CLCN6: variants seen among roughly 807,000 people sequenced by gnomAD.
CLCN6 encodes Cl-/H+ antiporter 6, also known as H(+)/Cl(-) exchange transporter 6.
CLCN6 carries 70 observed loss-of-function variants against 109.8 expected under a neutral mutation model. That is an observed-to-expected ratio of 0.64 (90% CI 0.53 to 0.78). The LOEUF is 0.78. Among genes scored for constraint, CLCN6 ranks in the 30% least tolerant of loss-of-function variants. The pLI is 0.00. For synonymous variants in CLCN6, 444 were observed against 447.8 expected (o/e 0.99, Z 0.11); for missense variants, 984 against 1,142.3 (o/e 0.86, Z 2.00).
intron 3 of CLCN6, 66 bp from the exon 4 acceptor site, chr1:11,816,549 G>C: frequency 1.4e-6 from 2 of 1,453,794 alleles, no homozygotes; most frequent in South Asian, 1.2e-5. Flanking sequence ...GGTTGGCCAA[G>C]ATGTATTTCT....
chr1:11,826,090 T>G lies in CLCN6; in HGVS notation c.649-66T>G, dbSNP rs370634871. ...TTCTTTTTTTTTTTTCCATAATTAC[T>G]GGGGTACAGGTAGTATTTGGTTATA... On this transcript the variant is annotated intron_variant, in intron 8 of 22. Coordinates refer to ENST00000346436, the MANE Select transcript of CLCN6 (RefSeq NM_001286.5). The G allele has an allele frequency of 3.1e-4, 339 of 1,106,272 alleles. 1 individual carries two copies. The South Asian group carries it at 4.3e-3, about 14-fold the overall frequency. 68.5% of individuals were successfully genotyped at this position (1,106,272 alleles called of 1,614,324 possible).
intron 2 of CLCN6, among the ~76,000 whole-genome samples, chr1:11,808,390 G>C (rs926623337): frequency 6.6e-6 from 1 of 151,818 alleles, no homozygotes; most frequent in Non-Finnish European, 1.5e-5. Flanking sequence ...TACCATACCT[G>C]GCCGCCCTTC....
At chr1:11,835,544 G>A (rs532789440) in intron 17 of CLCN6, among the ~76,000 whole-genome samples, 2 of 152,290 alleles carry the variant, frequency 1.3e-5, no homozygotes, top group South Asian at 4.1e-4. Context: ...CAAAGTGCTG[G>A]GATTACATGC....
intron 8 of CLCN6, 104 bp from the exon 9 acceptor site, chr1:11,826,052 C>T (rs1022737207): frequency 2.4e-6 from 2 of 839,460 alleles, no homozygotes; most frequent in South Asian, 1.6e-5. Context: ...TCCTAGGCTG[C>T]CCCTGACCTG....
chr1:11,824,947 T>G (rs1644793342), intron 8 of CLCN6, among the ~76,000 whole-genome samples: 1 of 152,214 alleles, frequency 6.6e-6, no homozygotes, highest in Non-Finnish European at 1.5e-5. Flanking sequence ...GTTGGCGTGG[T>G]ACAGTCATAA....
At chr1:11,808,556 G>C (rs1384438770) in intron 2 of CLCN6, among the ~76,000 whole-genome samples, 1 of 152,036 alleles carries the variant, frequency 6.6e-6, no homozygotes, top group East Asian at 1.9e-4. Context: ...CTACTGTCCA[G>C]ATTTTCCAGT....
intron 2 of CLCN6, among the ~76,000 whole-genome samples, chr1:11,814,394 C>T (rs1271405917): frequency 6.6e-6 from 1 of 151,814 alleles, no homozygotes; most frequent in South Asian, 2.1e-4. Context: ...GGATTACAGG[C>T]GTGCTCCACC....
At chr1:11,816,772 T>C (rs757052761) in intron 4 of CLCN6, 92 bp downstream of exon 4, 37 of 849,450 alleles carry the variant, frequency 4.4e-5, no homozygotes, top group Non-Finnish European at 5.9e-5. Flanking sequence ...TTGTCATTTG[T>C]CATTATAACA....
In CLCN6 at chr1:11,824,569, A is replaced by G; in HGVS notation, c.648+16A>G. 1.2e-6 allele frequency: 2 copies of G among 1,611,858 alleles called. No individual in the cohort carries two copies. The highest frequency in any genetic ancestry group is 1.7e-6 in the Non-Finnish European group (2 of 1,178,442). ...CCTCCCTCAGGTAAGATGGGCTGAG[A>G]GGGTGTGGGCCTCTGGGCAGGCCTA... On this transcript the variant is annotated intron_variant, in intron 8 of 22. Coordinates refer to ENST00000346436, the MANE Select transcript of CLCN6 (RefSeq NM_001286.5).
chr1:11,825,906 G>A (rs1466732010), intron 8 of CLCN6, among the ~76,000 whole-genome samples: 1 of 152,198 alleles, frequency 6.6e-6, no homozygotes, highest in African/African-American at 2.4e-5. Flanking sequence ...GATTACAGGC[G>A]TGAGCCATGA....
chr1:11,839,090 A>G (rs554213902), intron 22 of CLCN6: 3 of 588,218 alleles, frequency 5.1e-6, no homozygotes, highest in African/African-American at 3.7e-5. Flanking sequence ...TTAGAACTTC[A>G]TTATTTTCTT....
At chr1:11,819,151 T>C (rs920342979) in intron 4 of CLCN6, among the ~76,000 whole-genome samples, 11 of 152,270 alleles carry the variant, frequency 7.2e-5, no homozygotes, top group Admixed American at 2.6e-4. Flanking sequence ...CTTCTTCCAG[T>C]GTGGTCCAGG....
intron 4 of CLCN6, among the ~76,000 whole-genome samples, chr1:11,816,939 C>G (rs1644681136): frequency 6.6e-6 from 1 of 151,700 alleles, no homozygotes; most frequent in Admixed American, 6.6e-5. Flanking sequence ...GACAATGGTG[C>G]TCTTGAAGCG....
At chr1:11,814,737 A>G (rs1251034373) in intron 2 of CLCN6, among the ~76,000 whole-genome samples, 12 of 151,998 alleles carry the variant, frequency 7.9e-5, no homozygotes, top group East Asian at 1.9e-4. Context: ...TCTTCCTAAC[A>G]TAAAGTGGAA....
At position 11,840,784 on chromosome 1, in the gene CLCN6, C is replaced by G. The variant is rs923720696; in HGVS notation, c.*561C>G. On this transcript the variant is annotated 3_prime_UTR_variant, in exon 23 of 23. Coordinates refer to ENST00000346436, the MANE Select transcript of CLCN6 (RefSeq NM_001286.5). ...TCGCTAGTTGGTTTTAAGGGAAACA[C>G]TCTGCTCCTGGGTGTGAGCAGAGGC... The G allele has an allele frequency of 1.2e-5, 2 of 169,112 alleles. No homozygotes were observed. Among genetic ancestry groups the G allele is most frequent in the Non-Finnish European group, 2.6e-5 (2 of 76,670 alleles). The allele number at this position is 169,112 out of a possible 1,614,324, so 10.5% of individuals were successfully genotyped here.
Position 11,840,449 on chromosome 1 carries a change from C to T in CLCN6, c.*226C>T, listed in dbSNP as rs965526606. The T allele has an allele frequency of 5.4e-5, 32 of 591,376 alleles. No homozygotes were observed. The highest frequency in any genetic ancestry group is 9.1e-5 in the Non-Finnish European group (30 of 328,400). 36.6% of individuals were successfully genotyped at this position (591,376 alleles called of 1,614,324 possible). A position where few individuals can be genotyped will look rare whatever the true frequency, so the allele number is the denominator to read the frequency against. ...TTCCCCAGCAAGGATCTTCCCACTTCCTGCTCCCTGTGTTCCCACCCTCCA... is the reference window on the plus strand; with the variant it reads ...TTCCCCAGCAAGGATCTTCCCACTTTCTGCTCCCTGTGTTCCCACCCTCCA... On this transcript the variant is annotated 3_prime_UTR_variant, in exon 23 of 23. Transcript: ENST00000346436.
intron 5 of CLCN6, among the ~76,000 whole-genome samples, chr1:11,822,112 G>A (rs1323096708): frequency 6.6e-6 from 1 of 151,718 alleles, no homozygotes; most frequent in Admixed American, 6.6e-5. Flanking sequence ...TTCTTAAAAT[G>A]GTACTGAATG....
Position 11,836,006 on chromosome 1 carries a change from C to T in CLCN6, c.1833C>T (p.Tyr611=), listed in dbSNP as rs774474084. Residue 611 remains tyrosine (Y), a synonymous_variant, in exon 18 of 23, where the codon TAC becomes TAT. Coordinates refer to ENST00000346436, the MANE Select transcript of CLCN6 (RefSeq NM_001286.5). Reference sequence around the variant, plus strand: ...ACATCATGGAGCCCAACCTGACCTACGTCTACCCGCACACCCGCATCCAGT... The same window carrying T: ...ACATCATGGAGCCCAACCTGACCTATGTCTACCCGCACACCCGCATCCAGT... ...ASDIMEPNLT[Y]VYPHTRIQSL... is the part of the protein sequence containing the mutation. 1.6e-5 allele frequency: 26 copies of T among 1,613,788 alleles called. No homozygotes were observed. The highest frequency in any genetic ancestry group is 6.7e-5 in the East Asian group (3 of 44,866).
chr1:11,821,591 A>G (rs1356500733), intron 5 of CLCN6, among the ~76,000 whole-genome samples: 4 of 152,208 alleles, frequency 2.6e-5, no homozygotes, highest in Non-Finnish European at 4.4e-5. Context: ...CTGCAACTCA[A>G]TCAGAAAAAC....
Sources: gnomAD v4.1 joint callset for allele counts (sites outside exome capture counted in the v4.1 genomes callset) on GRCh38, gnomAD v4.1.1 for gene constraint, MANE v1.5 for transcripts, NCBI Gene and HGNC (gene_info 2026-07-23, HGNC 2026-07-21) for gene names.